ATG10: variants seen among roughly 807,000 people sequenced by gnomAD.
ATG10 encodes autophagy related 10.
A neutral mutation model predicts 32.1 loss-of-function variants in ATG10; 30 were observed. That is an observed-to-expected ratio of 0.94 (90% CI 0.70 to 1.27). The LOEUF (loss-of-function observed/expected upper bound fraction) is 1.27. Among genes scored for constraint, ATG10 ranks in the 50% most tolerant of loss-of-function variants. The pLI is 0.00. For synonymous variants in ATG10, 87 were observed against 91.5 expected, an observed-to-expected ratio of 0.95 and a Z score of 0.28; for missense variants, 233 against 262.3, an observed-to-expected ratio of 0.89 and a Z score of 0.77.
chr5:82,168,002 T>C (rs1483800858), intron 4 of ATG10, among the ~76,000 whole-genome samples: 2 of 152,170 alleles, frequency 1.3e-5, no homozygotes, highest in African/African-American at 2.4e-5. Context: ...ATAGCCTACA[T>C]TGGAATAGTG....
intron 3 of ATG10, among the ~76,000 whole-genome samples, chr5:82,164,115 A>G (rs1743479757): frequency 6.6e-6 from 1 of 152,184 alleles, no homozygotes. Context: ...AAGATTTTTC[A>G]GGCAATAGAT....
intron 3 of ATG10, among the ~76,000 whole-genome samples, chr5:82,084,809 C>T (rs1316340004): frequency 6.6e-6 from 1 of 152,114 alleles, no homozygotes; most frequent in African/African-American, 2.4e-5. Flanking sequence ...ACCAGGCCTG[C>T]CTTACAAGAG....
At chr5:82,033,852 A>G (rs553451484) in intron 2 of ATG10, among the ~76,000 whole-genome samples, 2 of 151,068 alleles carry the variant, frequency 1.3e-5, no homozygotes, top group South Asian at 4.2e-4. Flanking sequence ...ATACATAGGT[A>G]TAGATGTACT....
At chr5:82,005,839 A>G (rs774957503) in intron 2 of ATG10, among the ~76,000 whole-genome samples, 1 of 152,174 alleles carries the variant, frequency 6.6e-6, no homozygotes, top group Admixed American at 6.5e-5. Context: ...TCTTGAGATT[A>G]TATTTTATAC....
intron 3 of ATG10, among the ~76,000 whole-genome samples, chr5:82,133,881 C>T (rs1241471054): frequency 6.6e-6 from 1 of 151,806 alleles, no homozygotes; most frequent in Non-Finnish European, 1.5e-5. Flanking sequence ...TTGTTCGTGT[C>T]CTCTCTTATT....
chr5:82,117,147 T>C (rs984384580), intron 3 of ATG10, among the ~76,000 whole-genome samples: 34 of 152,276 alleles, frequency 2.2e-4, no homozygotes, highest in African/African-American at 7.7e-4. Flanking sequence ...CCTACCCTTA[T>C]GCTGCTTTTA....
chr5:82,178,595 A>G lies in ATG10; in HGVS notation c.453+8A>G. The G allele has an allele frequency of 6.4e-7, 1 of 1,573,838 alleles. No homozygotes were observed. ...GACACTATTACGCAACAGGTTGGAG[A>G]GTATTGTCATTTTATTGTATGCATG... On this transcript the variant is annotated splice_region_variant and intron_variant, in intron 5 of 7. Transcript: ENST00000282185.
Position 82,009,933 on chromosome 5 carries a change from T to C in ATG10, c.108+22255T>C, listed in dbSNP as rs1370628079. The C allele has an allele frequency of 2.5e-6, 4 of 1,611,646 alleles. No individual in the cohort carries two copies. In the East Asian group the frequency reaches 6.7e-5, roughly 27 times the overall value. ...ACACATAAACCCTGGAATAATTCTG[T>C]GAAAGCAGGAACCCTTATAACCAAA... On this transcript the variant is annotated intron_variant, in intron 2 of 7. Transcript: ENST00000282185.
chr5:82,241,779 A>T (rs1022633428), intron 5 of ATG10, among the ~76,000 whole-genome samples: 1 of 151,424 alleles, frequency 6.6e-6, no homozygotes. Flanking sequence ...ATATATTAAA[A>T]TTTTTTTTCT....
intron 3 of ATG10, among the ~76,000 whole-genome samples, chr5:82,063,659 A>AT (rs1763856157): frequency 6.6e-6 from 1 of 151,856 alleles, no homozygotes; most frequent in Non-Finnish European, 1.5e-5. Context: ...TGCCTGGCTA[A>AT]TTTTTGTATT....
chr5:82,066,646 A>G (rs1399903029), intron 3 of ATG10, among the ~76,000 whole-genome samples: 3 of 152,178 alleles, frequency 2.0e-5, no homozygotes, highest in African/African-American at 7.2e-5. Context: ...AGAATCAGTA[A>G]CAGGAGATGA....
chr5:82,154,448 C>T (rs1218320228), intron 3 of ATG10, among the ~76,000 whole-genome samples: 2 of 152,152 alleles, frequency 1.3e-5, no homozygotes, highest in Non-Finnish European at 2.9e-5. Context: ...ACATTTTATA[C>T]ATTATCTCAT....
At chr5:81,987,804 A>T in intron 2 of ATG10, 126 bp downstream of exon 2, 1 of 648,650 alleles carries the variant, frequency 1.5e-6, no homozygotes, top group Non-Finnish European at 2.7e-6. Context: ...GATTTAGTAA[A>T]AGTCTTAAAT....
At chr5:82,089,954 G>T (rs1448948366) in intron 3 of ATG10, among the ~76,000 whole-genome samples, 2 of 151,480 alleles carry the variant, frequency 1.3e-5, no homozygotes, top group African/African-American at 2.4e-5. Flanking sequence ...TCACTGAAGG[G>T]AATATATAGA....
chr5:82,139,491 G>A (rs879580328), intron 3 of ATG10, among the ~76,000 whole-genome samples: 238 of 134,882 alleles, frequency 1.8e-3, no homozygotes, highest in Non-Finnish European at 2.4e-3. Flanking sequence ...CCTCTGCCCC[G>A]CCGCCCCATC....
Position 81,974,507 on chromosome 5 carries a change from C to T in ATG10, c.-13+2201C>T, listed in dbSNP as rs553069749. Among the ~76,000 whole-genome samples the T allele has an allele frequency of 2.6e-5, 4 of 152,302 alleles. No homozygotes were observed. In the South Asian group the frequency reaches 8.3e-4, roughly 32 times the overall value. On this transcript the variant is annotated intron_variant, in intron 1 of 7. Coordinates refer to ENST00000282185, the MANE Select transcript of ATG10 (RefSeq NM_031482.5). ...CATATCACTGTCATGTAACATCTTTCTGAGAAAACCTTTTTATCATCTCTT... is the reference window on the plus strand; with the variant it reads ...CATATCACTGTCATGTAACATCTTTTTGAGAAAACCTTTTTATCATCTCTT...
intron 3 of ATG10, among the ~76,000 whole-genome samples, chr5:82,072,240 A>G (rs922554378): frequency 1.3e-5 from 2 of 152,072 alleles, no homozygotes; most frequent in Non-Finnish European, 2.9e-5. Flanking sequence ...GTCCTTGTCT[A>G]TGTATTCTTT....
intron 3 of ATG10, among the ~76,000 whole-genome samples, chr5:82,125,267 T>C (rs772489587): frequency 1.1e-4 from 17 of 152,170 alleles, no homozygotes; most frequent in African/African-American, 2.4e-4. Context: ...ATTTCTTTTG[T>C]GGTGCAGAAG....
chr5:82,080,343 T>G (rs532695023), intron 3 of ATG10, among the ~76,000 whole-genome samples: 31 of 152,174 alleles, frequency 2.0e-4, no homozygotes, highest in Non-Finnish European at 4.3e-4. Flanking sequence ...GTTTCTTTTG[T>G]TGTGCAGAAG....
Sources: allele counts gnomAD v4.1 joint callset (sites outside exome capture counted in the v4.1 genomes callset), GRCh38; gene constraint gnomAD v4.1.1; transcripts MANE v1.5; gene names NCBI Gene and HGNC (gene_info 2026-07-23, HGNC 2026-07-21).